The following FCRL2 variants were observed in gnomAD, a reference collection of about 807,000 sequenced individuals.
FCRL2 encodes the protein Fc receptor-like protein 2.
Under a neutral mutation model 59.8 loss-of-function variants are expected in FCRL2, and 48 were observed. The observed-to-expected ratio is 0.80, with a 90% CI of 0.64 to 1.02. FCRL2 has a LOEUF of 1.02. Ranked by LOEUF, FCRL2 falls within the 50% of genes least tolerant of loss-of-function variation. FCRL2 has a pLI of 0.00. For synonymous variants in FCRL2, 251 were observed against 229.5 expected (o/e 1.09, Z -0.85); for missense variants, 658 against 597.3 (o/e 1.10, Z -1.06).
intron 7 of FCRL2, chr1:157,766,564 T>C: frequency 2.2e-6 from 1 of 452,690 alleles, no homozygotes; most frequent in South Asian, 5.3e-5. Flanking sequence ...TATTGAAAAT[T>C]ACTAAATGGC....
At position 157,746,352 on chromosome 1, in the gene FCRL2, C is replaced by G. The variant is rs905945904; in HGVS notation, c.*384G>C. ...GCAAAAATTCTCAACAAAATATTAG[C>G]AAACTGTATCCAGCAGCACATAAAT... is the stretch of plus-strand genomic sequence containing the variant. On this transcript the variant is annotated 3_prime_UTR_variant, in exon 12 of 12. Transcript: ENST00000361516. The G allele has an allele frequency of 1.1e-5, 2 of 181,052 alleles. No individual in the cohort carries two copies. Among genetic ancestry groups the G allele is most frequent in the African/African-American group, 4.7e-5 (2 of 42,518 alleles). The allele number at this position is 181,052 out of a possible 1,614,324, so 11.2% of individuals were successfully genotyped here. A position where few individuals can be genotyped will look rare whatever the true frequency, so the allele number is the denominator to read the frequency against.
intron 7 of FCRL2, among the ~76,000 whole-genome samples, chr1:157,764,024 C>G (rs1409836961): frequency 9.6e-6 from 1 of 103,634 alleles, no homozygotes; most frequent in South Asian, 3.5e-4. Flanking sequence ...TGCGAGACTT[C>G]ATCTCAAAAA....
intron 7 of FCRL2, among the ~76,000 whole-genome samples, chr1:157,762,392 A>G (rs1350331199): frequency 2.0e-5 from 3 of 152,232 alleles, no homozygotes; most frequent in Non-Finnish European, 4.4e-5. Context: ...GGCCCAGCAT[A>G]GCCACTTCGG....
intron 7 of FCRL2, among the ~76,000 whole-genome samples, chr1:157,759,792 G>A (rs778539573): frequency 8.5e-5 from 13 of 152,150 alleles, no homozygotes; most frequent in Non-Finnish European, 1.8e-4. Context: ...GTCAAAAAAT[G>A]AGATGCTGGT....
At chr1:157,757,265 T>C (rs1001168667) in intron 7 of FCRL2, among the ~76,000 whole-genome samples, 4 of 152,184 alleles carry the variant, frequency 2.6e-5, no homozygotes, top group African/African-American at 9.7e-5. Flanking sequence ...AAACTCCATA[T>C]ATTGAAGTAC....
chr1:157,776,087 C>A (rs1650386843), intron 1 of FCRL2, among the ~76,000 whole-genome samples: 1 of 152,058 alleles, frequency 6.6e-6, no homozygotes, highest in Admixed American at 6.6e-5. Flanking sequence ...TCCACCATCC[C>A]CACCACTCTA....
Position 157,746,283 on chromosome 1 carries a change from G to C in FCRL2, c.*453C>G. The C allele has an allele frequency of 6.3e-6, 1 of 159,802 alleles. No homozygotes were observed. The highest frequency in any genetic ancestry group is 1.4e-5 in the Non-Finnish European group (1 of 72,660). The allele number at this position is 159,802 out of a possible 1,614,324, so 9.9% of individuals were successfully genotyped here. ...ATACAAACATTCTGGCAGAGACACA[G>C]TGGAAAAGAAAATTTCAGGCCAATA... On this transcript the variant is annotated 3_prime_UTR_variant, in exon 12 of 12. Transcript: ENST00000361516.
At chr1:157,765,276 G>A (rs1177862179) in intron 7 of FCRL2, among the ~76,000 whole-genome samples, 1 of 152,142 alleles carries the variant, frequency 6.6e-6, no homozygotes, top group Non-Finnish European at 1.5e-5. Flanking sequence ...AACCAATAAT[G>A]AGTGGCAAGA....
At chr1:157,750,194 T>A (rs1648078900) in intron 7 of FCRL2, among the ~76,000 whole-genome samples, 1 of 152,190 alleles carries the variant, frequency 6.6e-6, no homozygotes, top group Admixed American at 6.5e-5. Flanking sequence ...CATTTTGCTT[T>A]GTGGAGAGAT....
chr1:157,746,691 T>C lies in FCRL2; in HGVS notation c.*45A>G, dbSNP rs1181749485. On this transcript the variant is annotated 3_prime_UTR_variant, in exon 12 of 12. Transcript: ENST00000361516. The stretch of plus-strand genomic sequence containing the variant: ...AAGGTTTTATAGCAAGTCTTAATGA[T>C]GCCCCATCCTTGCTGTTGATCTTCC... 2 of 1,588,188 alleles carry C rather than the reference T, an allele frequency of 1.3e-6. No individual in the cohort carries two copies. The highest frequency in any genetic ancestry group is 1.1e-5 in the South Asian group (1 of 90,486).
At chr1:157,747,784 G>A (rs55801926) in intron 10 of FCRL2, among the ~76,000 whole-genome samples, 4,876 of 152,228 alleles carry the variant, frequency 0.032, 247 homozygotes, top group African/African-American at 0.11. Context: ...GCAAAGCTAC[G>A]TGTCAAAGTG....
intron 7 of FCRL2, among the ~76,000 whole-genome samples, chr1:157,754,585 A>G (rs1403987448): frequency 6.6e-6 from 1 of 152,036 alleles, no homozygotes; most frequent in Admixed American, 6.6e-5. Flanking sequence ...AGATTCAAGA[A>G]CCCTCTCTTG....
intron 1 of FCRL2, 130 bp from the exon 2 acceptor site, chr1:157,775,925 CT>C: frequency 1.0e-6 from 1 of 971,206 alleles, no homozygotes; most frequent in Non-Finnish European, 1.5e-6. Flanking sequence ...TCCCTAATCT[CT>C]TATTACTAAC....
intron 7 of FCRL2, among the ~76,000 whole-genome samples, chr1:157,750,293 G>C (rs1349480596): frequency 6.6e-6 from 1 of 152,162 alleles, no homozygotes; most frequent in Non-Finnish European, 1.5e-5. Context: ...ATATTTTCTA[G>C]TCCTCCATTA....
chr1:157,749,654 G>C lies in FCRL2; in HGVS notation c.1303C>G (p.Pro435Ala), dbSNP rs1239488818. The C allele has an allele frequency of 2.5e-6, 4 of 1,608,298 alleles. No homozygotes were observed. Among genetic ancestry groups the C allele is most frequent in the African/African-American group, 2.7e-5 (2 of 74,796 alleles). The change falls in exon 8 of 12, where the codon CCC becomes GCC. Residue 435 changes from proline (P) to alanine (A), a missense_variant. Transcript: ENST00000361516. Reference sequence around the variant, plus strand: ...TTTACTAGGAAGAGTTCTCACCTGGGTTCATTAGTGGCAGAACTTTCTCCT... The same window carrying C: ...TTTACTAGGAAGAGTTCTCACCTGGCTTCATTAGTGGCAGAACTTTCTCCT... Reference protein sequence around the residue: ...ISGESSATNEPRGASRPNPQE... With the variant: ...ISGESSATNEARGASRPNPQE...
At chr1:157,772,505 G>A (rs949299287) in intron 2 of FCRL2, among the ~76,000 whole-genome samples, 3 of 152,158 alleles carry the variant, frequency 2.0e-5, no homozygotes, top group Non-Finnish European at 4.4e-5. Context: ...GGAATCCACT[G>A]GGGAGAGATG....
intron 7 of FCRL2, among the ~76,000 whole-genome samples, chr1:157,755,398 C>G (rs189171104): frequency 7.3e-4 from 111 of 152,228 alleles, no homozygotes; most frequent in African/African-American, 2.6e-3. Flanking sequence ...TATAAACAAG[C>G]ATGTTTATGA....
Position 157,761,214 on chromosome 1 carries a change from A to G in FCRL2, c.1279+5641T>C, listed in dbSNP as rs569770607. Among the ~76,000 whole-genome samples, 11 of 152,332 alleles carry G rather than the reference A, an allele frequency of 7.2e-5. No individual in the cohort carries two copies. In the South Asian group the frequency reaches 2.1e-3, roughly 29 times the overall value. On this transcript the variant is annotated intron_variant, in intron 7 of 11. Coordinates refer to ENST00000361516, the MANE Select transcript of FCRL2 (RefSeq NM_030764.4). ...TAAAGCCAGGTGGTGCAACAAAGTT[A>G]GGTTTGAGGCATAGTAGTCAGGCAG...
At position 157,765,631 on chromosome 1, in the gene FCRL2, C is replaced by A. The variant is rs551710144; in HGVS notation, c.1279+1224G>T. On this transcript the variant is annotated intron_variant, in intron 7 of 11. Coordinates refer to ENST00000361516, the MANE Select transcript of FCRL2 (RefSeq NM_030764.4). ...CATTTGCTGATTCCGGAGAGGACAG[C>A]CAAGAAGCTTGTGCTTTTGACAGTG... 3.3e-5 allele frequency among the ~76,000 whole-genome samples: 5 copies of A among 152,286 alleles called. No homozygotes were observed. The South Asian group carries it at 8.3e-4, about 25-fold the overall frequency.
Sources: gnomAD v4.1 joint callset for allele counts (sites outside exome capture counted in the v4.1 genomes callset) on GRCh38, gnomAD v4.1.1 for gene constraint, MANE v1.5 for transcripts, NCBI Gene and HGNC (gene_info 2026-07-23, HGNC 2026-07-21) for gene names.